The following ZDHHC14 variants were observed in gnomAD, a reference collection of about 807,000 sequenced individuals.
ZDHHC14 encodes zDHHC palmitoyltransferase 14.
Under a neutral mutation model 47.7 loss-of-function variants are expected in ZDHHC14, and 16 were observed. The observed-to-expected ratio is 0.34, with a 90% CI of 0.23 to 0.51. ZDHHC14 has a LOEUF of 0.51. ZDHHC14 is among the 20% of genes least tolerant of loss of function. The probability of loss-of-function intolerance (pLI) is 0.97; values close to 1 mark genes in which losing one functional copy is unlikely to be tolerated. For synonymous variants in ZDHHC14, 293 were observed against 278.9 expected (o/e 1.05, Z -0.50); for missense variants, 515 against 662.5 (o/e 0.78, Z 2.44).
At chr6:157,565,169 T>C (rs1209483569) in intron 2 of ZDHHC14, among the ~76,000 whole-genome samples, 1 of 152,044 alleles carries the variant, frequency 6.6e-6, no homozygotes, top group Non-Finnish European at 1.5e-5. Context: ...ATCACCTGCG[T>C]CTGGGAGGTC....
chr6:157,559,082 C>A (rs1782596744), intron 2 of ZDHHC14, among the ~76,000 whole-genome samples: 1 of 152,352 alleles, frequency 6.6e-6, no homozygotes, highest in East Asian at 1.9e-4. Context: ...AACAACCACT[C>A]TTCCATGATG....
intron 5 of ZDHHC14, among the ~76,000 whole-genome samples, chr6:157,635,743 A>C (rs1776939625): frequency 6.6e-6 from 1 of 152,212 alleles, no homozygotes; most frequent in Non-Finnish European, 1.5e-5. Context: ...TTAGGAAGCA[A>C]GCGTGGCAGT....
Position 157,647,466 on chromosome 6 carries a change from G to A in ZDHHC14, c.965+98G>A, listed in dbSNP as rs531130369. The A allele has an allele frequency of 1.1e-4, 86 of 809,576 alleles. 1 individual carries two copies. Among genetic ancestry groups the A allele is most frequent in the South Asian group, 1.0e-3 (57 of 55,414 alleles). The allele number at this position is 809,576 out of a possible 1,614,324, so 50.1% of individuals were successfully genotyped here. On this transcript the variant is annotated intron_variant, in intron 7 of 8. Coordinates refer to ENST00000359775, the MANE Select transcript of ZDHHC14 (RefSeq NM_024630.3). ...GCCCGCCCTGGTGGAATGGGTCGCC[G>A]CCACCACGTGACCACTTTGTGCCGC...
At chr6:157,443,664 C>T (rs1778603023) in intron 1 of ZDHHC14, among the ~76,000 whole-genome samples, 2 of 152,284 alleles carry the variant, frequency 1.3e-5, no homozygotes, top group South Asian at 2.1e-4. Context: ...AAATGAATGG[C>T]CAAGGGTATT....
At chr6:157,645,936 C>T in intron 6 of ZDHHC14, 97 bp downstream of exon 6, 4 of 1,045,294 alleles carry the variant, frequency 3.8e-6, no homozygotes, top group Non-Finnish European at 5.7e-6. Context: ...TTTTCCCATA[C>T]ATCCCGTTCC....
intron 8 of ZDHHC14, 141 bp downstream of exon 8, chr6:157,653,768 C>G (rs1486071978): frequency 1.4e-6 from 1 of 718,470 alleles, no homozygotes. Flanking sequence ...CTACTGCGCT[C>G]AGACAGGAGG....
At chr6:157,521,073 T>C (rs535597490) in intron 1 of ZDHHC14, among the ~76,000 whole-genome samples, 1 of 152,068 alleles carries the variant, frequency 6.6e-6, no homozygotes, top group Non-Finnish European at 1.5e-5. Flanking sequence ...GTGCAAGGGA[T>C]TGGGGGAGGG....
intron 3 of ZDHHC14, among the ~76,000 whole-genome samples, chr6:157,602,829 G>C (rs148522358): frequency 6.6e-6 from 1 of 152,214 alleles, no homozygotes; most frequent in African/African-American, 2.4e-5. Context: ...GAGGGCACCA[G>C]CCCCTTCGTG....
rs377765415 is a variant in ZDHHC14, at chr6:157,538,164, C to T, written c.246-4421C>T. 1.5e-4 allele frequency among the ~76,000 whole-genome samples: 23 copies of T among 152,260 alleles called. 1 individual carries two copies. The South Asian group carries it at 4.6e-3, about 30-fold the overall frequency. On this transcript the variant is annotated intron_variant, in intron 1 of 8. Coordinates refer to ENST00000359775, the MANE Select transcript of ZDHHC14 (RefSeq NM_024630.3). Reference sequence around the variant, plus strand: ...GGTGGAACGGGACTGTCACAGAGCACCTAGCATTATACAGAGTTGTACCAA... The same window carrying T: ...GGTGGAACGGGACTGTCACAGAGCATCTAGCATTATACAGAGTTGTACCAA...
chr6:157,503,678 T>A (rs959684650), intron 1 of ZDHHC14, among the ~76,000 whole-genome samples: 1 of 152,212 alleles, frequency 6.6e-6, no homozygotes, highest in African/African-American at 2.4e-5. Flanking sequence ...TGCCTAAAAT[T>A]ATTAGGCGCC....
chr6:157,602,031 G>A (rs112902719), intron 3 of ZDHHC14, among the ~76,000 whole-genome samples: 3 of 151,614 alleles, frequency 2.0e-5, no homozygotes, highest in Non-Finnish European at 4.4e-5. Context: ...GTGAAACCGC[G>A]TCTCTACTAA....
Position 157,439,774 on chromosome 6 carries a change from G to A in ZDHHC14, c.245+57508G>A, listed in dbSNP as rs1464745618. On this transcript the variant is annotated intron_variant, in intron 1 of 8. Transcript: ENST00000359775. ...GGAATCAACCCAAATGCCCATCAAT[G>A]ATAGACTAGATAAAGGCAATGTGGT... is the stretch of plus-strand genomic sequence containing the variant. Among the ~76,000 whole-genome samples the A allele has an allele frequency of 2.0e-5, 3 of 152,152 alleles. No individual in the cohort carries two copies. In the East Asian group the frequency reaches 5.8e-4, roughly 29 times the overall value.
At chr6:157,656,298 T>C (rs1778085371) in intron 8 of ZDHHC14, among the ~76,000 whole-genome samples, 1 of 152,082 alleles carries the variant, frequency 6.6e-6, no homozygotes, top group Admixed American at 6.5e-5. Context: ...AGCTGCCTGT[T>C]GGTCACCCCT....
intron 2 of ZDHHC14, among the ~76,000 whole-genome samples, chr6:157,554,514 C>T (rs902993595): frequency 6.6e-6 from 1 of 152,140 alleles, no homozygotes; most frequent in Non-Finnish European, 1.5e-5. Flanking sequence ...GAAGATTTTA[C>T]GTTCTTTTGT....
At chr6:157,384,502 C>A (rs1372030055) in intron 1 of ZDHHC14, among the ~76,000 whole-genome samples, 1 of 152,170 alleles carries the variant, frequency 6.6e-6, no homozygotes, top group East Asian at 1.9e-4. Context: ...CTATTTGCAG[C>A]ATCTTTTTTA....
intron 1 of ZDHHC14, among the ~76,000 whole-genome samples, chr6:157,538,449 C>T (rs1055408761): frequency 1.3e-5 from 2 of 152,220 alleles, no homozygotes; most frequent in Non-Finnish European, 2.9e-5. Context: ...ACTTGACTCT[C>T]CTCCTCTTTC....
At chr6:157,542,834 G>A (rs1781822759) in intron 2 of ZDHHC14, 89 bp downstream of exon 2, 1 of 1,468,380 alleles carries the variant, frequency 6.8e-7, no homozygotes, top group Admixed American at 2.3e-5. Flanking sequence ...CTGTGCAGGA[G>A]GAGCTGAGCG....
chr6:157,496,593 A>G (rs9457603), intron 1 of ZDHHC14, among the ~76,000 whole-genome samples: 103,244 of 152,056 alleles, frequency 0.68, 35,849 homozygotes, highest in African/African-American at 0.83. Flanking sequence ...AAGGGAAGAT[A>G]ATGTGAAGAC....
intron 1 of ZDHHC14, among the ~76,000 whole-genome samples, chr6:157,503,292 A>G (rs141110845): frequency 0.021 from 3,169 of 152,298 alleles, 50 homozygotes; most frequent in South Asian, 0.052. Context: ...TTTCACATCC[A>G]GTGTCAGACA....
Sources: gnomAD v4.1 joint callset for allele counts (sites outside exome capture counted in the v4.1 genomes callset) on GRCh38, gnomAD v4.1.1 for gene constraint, MANE v1.5 for transcripts, NCBI Gene and HGNC (gene_info 2026-07-23, HGNC 2026-07-21) for gene names.